SAMMSON: variants seen among roughly 807,000 people sequenced by gnomAD.
SAMMSON encodes the protein long intergenic non-protein coding RNA 1212.
chr3:70,227,655 A>G (rs185065969), intron 4 of SAMMSON, among the ~76,000 whole-genome samples: 1 of 152,338 alleles, frequency 6.6e-6, no homozygotes, highest in Admixed American at 6.5e-5. Flanking sequence ...CCAACCTAAT[A>G]ATACTACTTA....
At chr3:70,167,783 A>G (rs1181924556) in intron 4 of SAMMSON, among the ~76,000 whole-genome samples, 1 of 151,972 alleles carries the variant, frequency 6.6e-6, no homozygotes, top group Non-Finnish European at 1.5e-5. Context: ...TTTCATGGTA[A>G]TGGGCCACGC....
At chr3:70,107,340 G>A (rs1393022637) in intron 4 of SAMMSON, among the ~76,000 whole-genome samples, 2 of 152,060 alleles carry the variant, frequency 1.3e-5, no homozygotes, top group Non-Finnish European at 2.9e-5. Flanking sequence ...AAATATAAAA[G>A]GGAGGGAAGG....
chr3:70,028,182 CCTTCCTTT>C (rs1290324989), intron 3 of SAMMSON, among the ~76,000 whole-genome samples: 610 of 48,712 alleles, frequency 0.013, 4 homozygotes, highest in Middle Eastern at 0.054. Flanking sequence ...TTCCTTCCTT[CCTTCCTTT>C]CTTTCTTTCT....
At chr3:70,178,860 A>T (rs904108600) in intron 4 of SAMMSON, among the ~76,000 whole-genome samples, 3 of 151,956 alleles carry the variant, frequency 2.0e-5, no homozygotes, top group Admixed American at 6.6e-5. Context: ...AATACAAAAA[A>T]ATTAGCTGGG....
At chr3:70,428,168 A>G (rs959943258) in intron 2 of SAMMSON, among the ~76,000 whole-genome samples, 3 of 152,198 alleles carry the variant, frequency 2.0e-5, no homozygotes, top group African/African-American at 4.8e-5. Context: ...TAAGAAATCA[A>G]TTCTCTCCAA....
At chr3:70,257,090 A>G (rs1057407810) in intron 6 of SAMMSON, among the ~76,000 whole-genome samples, 2 of 152,132 alleles carry the variant, frequency 1.3e-5, no homozygotes, top group Non-Finnish European at 2.9e-5. Context: ...ATGAGAGAGG[A>G]TATTTATATA....
At chr3:70,324,705 A>G (rs1290852005) in intron 7 of SAMMSON, among the ~76,000 whole-genome samples, 2 of 152,158 alleles carry the variant, frequency 1.3e-5, no homozygotes, top group Non-Finnish European at 2.9e-5. Flanking sequence ...ATGAAAAACA[A>G]TTCTTGCTGA....
chr3:70,306,099 GTTTA>G (rs771838641), intron 7 of SAMMSON, among the ~76,000 whole-genome samples: 7 of 152,102 alleles, frequency 4.6e-5, no homozygotes, highest in African/African-American at 9.6e-5. Flanking sequence ...AAATAATGGA[GTTTA>G]TTTATTTATT....
chr3:70,006,368 T>G (rs1344585961), intron 1 of SAMMSON, among the ~76,000 whole-genome samples: 1 of 152,194 alleles, frequency 6.6e-6, no homozygotes, highest in Non-Finnish European at 1.5e-5. Context: ...GAATGTGTAT[T>G]AAGGGCCCGC....
At chr3:70,002,828 T>C (rs1237671406) in intron 1 of SAMMSON, among the ~76,000 whole-genome samples, 1 of 152,156 alleles carries the variant, frequency 6.6e-6, no homozygotes, top group Non-Finnish European at 1.5e-5. Flanking sequence ...ATGTGCCTTA[T>C]CTAGTTTGGG....
At chr3:70,002,112 T>C (rs185609002) in intron 1 of SAMMSON, among the ~76,000 whole-genome samples, 1 of 152,340 alleles carries the variant, frequency 6.6e-6, no homozygotes, top group East Asian at 1.9e-4. Context: ...CACTCCCTTG[T>C]AAGTGGACAT....
At chr3:70,251,764 G>A (rs900239309) in intron 6 of SAMMSON, among the ~76,000 whole-genome samples, 2 of 152,214 alleles carry the variant, frequency 1.3e-5, no homozygotes, top group African/African-American at 4.8e-5. Flanking sequence ...TGAGGAACCT[G>A]TAGAACGGAC....
chr3:70,008,756 T>C lies in SAMMSON; in HGVS notation n.23-3601T>C, dbSNP rs561164322. Among the ~76,000 whole-genome samples the C allele has an allele frequency of 9.7e-3, 1,471 of 152,318 alleles. 17 individuals are homozygous for C. The highest frequency in any genetic ancestry group is 0.033 in the African/African-American group (1,372 of 41,550). On this transcript the variant is annotated intron_variant and non_coding_transcript_variant, in intron 1 of 9. Coordinates refer to ENST00000642114, the Ensembl canonical transcript of SAMMSON. ...ATGCTTCCAGTTTTTGCCCATTCAG[T>C]ATGATATTGGCTGTGGGTTTGTTAT...
intron 6 of SAMMSON, among the ~76,000 whole-genome samples, chr3:70,275,928 G>A (rs895761739): frequency 1.3e-5 from 2 of 151,942 alleles, no homozygotes; most frequent in African/African-American, 4.8e-5. Context: ...GCAAATCATG[G>A]TAACTAATCA....
At chr3:70,252,180 C>A (rs1007720947) in intron 6 of SAMMSON, among the ~76,000 whole-genome samples, 4 of 152,158 alleles carry the variant, frequency 2.6e-5, no homozygotes, top group Admixed American at 1.3e-4. Flanking sequence ...ATGTCCTGAA[C>A]CTGTTACTTG....
intron 4 of SAMMSON, among the ~76,000 whole-genome samples, chr3:70,220,784 C>G (rs1701454753): frequency 2.0e-5 from 3 of 152,174 alleles, no homozygotes; most frequent in Admixed American, 6.6e-5. Context: ...AGATTTCAGT[C>G]TCTCTGAAGC....
At chr3:70,125,263 C>T in intron 4 of SAMMSON, 1 of 1,268,778 alleles carries the variant, frequency 7.9e-7, no homozygotes, top group East Asian at 2.3e-5. Context: ...CAAACATGAT[C>T]TACTGTGTTT....
chr3:70,346,311 G>GTTTTTTTT (rs3050213), intron 7 of SAMMSON, among the ~76,000 whole-genome samples: 1 of 140,762 alleles, frequency 7.1e-6, no homozygotes, highest in Non-Finnish European at 1.5e-5. Flanking sequence ...TTTGCTCATT[G>GTTTTTTTT]TTTTTTTTTT....
downstream of SAMMSON, among the ~76,000 whole-genome samples, chr3:70,391,259 C>A (rs1701046079): frequency 6.6e-6 from 1 of 152,100 alleles, no homozygotes; most frequent in South Asian, 2.1e-4. Context: ...AAGTGTAATG[C>A]AGGAATGGAT....
Sources: gnomAD v4.1 joint callset for allele counts (sites outside exome capture counted in the v4.1 genomes callset) on GRCh38, gnomAD v4.1.1 for gene constraint, MANE v1.5 for transcripts, NCBI Gene and HGNC (gene_info 2026-07-23, HGNC 2026-07-21) for gene names.